The following MANBA variants were observed in gnomAD, a reference collection of about 807,000 sequenced individuals.
MANBA encodes the protein beta-mannosidase.
A neutral mutation model predicts 111.1 loss-of-function variants in MANBA; 83 were observed. The observed-to-expected ratio is 0.75, with a 90% CI of 0.63 to 0.90. The LOEUF (loss-of-function observed/expected upper bound fraction) is 0.90, where lower values mean the gene tolerates loss of function less well. Among genes scored for constraint, MANBA ranks in the 40% least tolerant of loss-of-function variants. The probability of loss-of-function intolerance (pLI) is 0.00; values close to 1 mark genes in which losing one functional copy is unlikely to be tolerated. For missense variants in MANBA, 1,036 were observed against 1,069.0 expected, an observed-to-expected ratio of 0.97 and a Z score of 0.43; for synonymous variants, 370 against 378.7, an observed-to-expected ratio of 0.98 and a Z score of 0.27.
chr4:102,647,144 C>T (rs145839150), intron 13 of MANBA, among the ~76,000 whole-genome samples: 1 of 150,958 alleles, frequency 6.6e-6, no homozygotes, highest in Non-Finnish European at 1.5e-5. Flanking sequence ...AAGGAAAAAC[C>T]CTAAAACCCT....
In MANBA at chr4:102,631,552, C is replaced by A. The variant is rs1054037; in HGVS notation, c.*505G>T. ...ATAATTTCACATGTACAGAAAAATACCCATATACCTTTACCCAAATAGCTA... is the reference window on the plus strand; with the variant it reads ...ATAATTTCACATGTACAGAAAAATAACCATATACCTTTACCCAAATAGCTA... On this transcript the variant is annotated 3_prime_UTR_variant, in exon 17 of 17. Coordinates refer to ENST00000647097, the MANE Select transcript of MANBA (RefSeq NM_005908.4). The A allele has an allele frequency of 7.5e-6, 3 of 399,224 alleles. No homozygotes were observed. The highest frequency in any genetic ancestry group is 2.7e-4 in the South Asian group (2 of 7,296). 24.7% of individuals were successfully genotyped at this position (399,224 alleles called of 1,614,324 possible).
intron 3 of MANBA, among the ~76,000 whole-genome samples, chr4:102,723,382 C>G (rs951943923): frequency 2.6e-5 from 4 of 152,124 alleles, no homozygotes; most frequent in African/African-American, 9.7e-5. Context: ...CTTGAACTGC[C>G]AAGGGTTTCC....
intron 14 of MANBA, among the ~76,000 whole-genome samples, chr4:102,636,708 T>G (rs903008407): frequency 6.6e-6 from 1 of 152,210 alleles, no homozygotes; most frequent in Non-Finnish European, 1.5e-5. Flanking sequence ...ATAACCTTTT[T>G]GTCTAATAAG....
intron 8 of MANBA, 129 bp from the exon 9 acceptor site, chr4:102,671,527 A>T (rs549454260): frequency 1.5e-6 from 1 of 677,600 alleles, no homozygotes; most frequent in African/African-American, 1.8e-5. Context: ...AATGTAAATT[A>T]AAGAAAGTAA....
chr4:102,715,160 G>A (rs1442921584), intron 4 of MANBA, among the ~76,000 whole-genome samples: 2 of 152,064 alleles, frequency 1.3e-5, no homozygotes, highest in African/African-American at 2.4e-5. Context: ...TATTAATTAG[G>A]TTATAAGAGA....
At chr4:102,670,524 T>C (rs971325871) in intron 9 of MANBA, among the ~76,000 whole-genome samples, 6 of 152,114 alleles carry the variant, frequency 3.9e-5, no homozygotes, top group Admixed American at 1.3e-4. Flanking sequence ...ATCCTCACAA[T>C]TGCAAAACAC....
In MANBA at chr4:102,635,867, T is replaced by C; in HGVS notation, c.2155A>G (p.Ser719Gly). The C allele has an allele frequency of 1.9e-6, 3 of 1,611,586 alleles. No homozygotes were observed. Among genetic ancestry groups the C allele is most frequent in the Non-Finnish European group, 2.5e-6 (3 of 1,177,640 alleles). The change falls in exon 15 of 17, where the codon AGT becomes GGT. Residue 719 changes from serine (S) to glycine (G), a missense_variant and splice_region_variant. Coordinates refer to ENST00000647097, the MANE Select transcript of MANBA (RefSeq NM_005908.4). ...DLHSDYSMTL[S>G]VRVHTWSSLE... The stretch of plus-strand genomic sequence containing the variant: ...AGAAAACAATCCAAGTAACTTACAC[T>C]GAGTGTCATCGAATAATCCGAGTGA...
At chr4:102,727,839 G>C (rs1722868560) in intron 1 of MANBA, 5 of 606,962 alleles carry the variant, frequency 8.2e-6, no homozygotes, top group South Asian at 6.9e-5. Context: ...GGATTTTCCT[G>C]AAGACTCAGG....
At chr4:102,730,542 G>A (rs1389227101) in intron 1 of MANBA, 1 of 532,206 alleles carries the variant, frequency 1.9e-6, no homozygotes, top group Non-Finnish European at 3.8e-6. Context: ...TTTTCTATGA[G>A]AAATAAGGCA....
chr4:102,652,701 G>A (rs1730390527), intron 12 of MANBA, among the ~76,000 whole-genome samples: 1 of 152,058 alleles, frequency 6.6e-6, no homozygotes. Flanking sequence ...GACCAGCCTG[G>A]ACAACGTAGT....
chr4:102,659,481 G>C lies in MANBA; in HGVS notation c.1486-1581C>G, dbSNP rs375591958. Among the ~76,000 whole-genome samples the C allele has an allele frequency of 2.6e-5, 4 of 152,022 alleles. No homozygotes were observed. The South Asian group carries it at 6.2e-4, about 24-fold the overall frequency. On this transcript the variant is annotated intron_variant, in intron 11 of 16. Transcript: ENST00000647097. ...TTAACCCTTTCCTTTGCCAGACTCT[G>C]TGTTCTGGTCATCTTTCTAGTTTGC...
chr4:102,651,159 T>C (rs1443069858), intron 12 of MANBA, among the ~76,000 whole-genome samples: 2 of 152,028 alleles, frequency 1.3e-5, no homozygotes, highest in African/African-American at 2.4e-5. Flanking sequence ...TACACTATAA[T>C]AGGGATACTA....
chr4:102,641,349 TG>T (rs1729871494), intron 13 of MANBA, among the ~76,000 whole-genome samples: 1 of 152,278 alleles, frequency 6.6e-6, no homozygotes, highest in East Asian at 1.9e-4. Flanking sequence ...TTGAAGGTGT[TG>T]GTGTGCATCC....
intron 1 of MANBA, among the ~76,000 whole-genome samples, chr4:102,734,033 C>G (rs898739639): frequency 6.6e-6 from 1 of 152,148 alleles, no homozygotes; most frequent in African/African-American, 2.4e-5. Flanking sequence ...ATGGTGAATA[C>G]AAGTCATTAT....
At chr4:102,665,601 C>T (rs948636884) in intron 10 of MANBA, 1 of 152,232 alleles carries the variant, frequency 6.6e-6, no homozygotes, top group Non-Finnish European at 1.5e-5. Flanking sequence ...ATAAACTGAG[C>T]TCATCTGGGC....
intron 5 of MANBA, among the ~76,000 whole-genome samples, chr4:102,712,316 T>C (rs1435324960): frequency 1.3e-5 from 2 of 152,196 alleles, no homozygotes; most frequent in Non-Finnish European, 2.9e-5. Flanking sequence ...TAAAATTCAC[T>C]CAGTCACTAG....
chr4:102,699,288 T>C (rs1402659128), intron 5 of MANBA, among the ~76,000 whole-genome samples: 1 of 150,328 alleles, frequency 6.7e-6, no homozygotes, highest in South Asian at 2.1e-4. Context: ...AGATATACAA[T>C]CATGTCGTCT....
chr4:102,697,492 T>A (rs1732775920), intron 5 of MANBA, among the ~76,000 whole-genome samples: 1 of 146,150 alleles, frequency 6.8e-6, no homozygotes, highest in South Asian at 2.3e-4. Flanking sequence ...TATCTCCCAA[T>A]GCTATCCCTC....
At chr4:102,707,017 A>C (rs1733326715) in intron 5 of MANBA, among the ~76,000 whole-genome samples, 1 of 152,240 alleles carries the variant, frequency 6.6e-6, no homozygotes, top group Non-Finnish European at 1.5e-5. Flanking sequence ...ATTTAACAAA[A>C]TAATAGCTGA....
Sources: gnomAD v4.1 joint callset for allele counts (sites outside exome capture counted in the v4.1 genomes callset) on GRCh38, gnomAD v4.1.1 for gene constraint, MANE v1.5 for transcripts, NCBI Gene and HGNC (gene_info 2026-07-23, HGNC 2026-07-21) for gene names.